FGGY: variants seen among roughly 807,000 people sequenced by gnomAD.
FGGY encodes the protein FGGY carbohydrate kinase domain-containing protein.
Under a neutral mutation model 71.3 loss-of-function variants are expected in FGGY, and 72 were observed. That is an observed-to-expected ratio of 1.01 (90% CI 0.84 to 1.23). The LOEUF (loss-of-function observed/expected upper bound fraction) is 1.23. Ranked by LOEUF, FGGY falls within the 50% of genes most tolerant of loss-of-function variation. FGGY has a pLI of 0.00. For synonymous variants in FGGY, 251 were observed against 250.3 expected, an observed-to-expected ratio of 1.00 and a Z score of -0.02; for missense variants, 668 against 682.3, an observed-to-expected ratio of 0.98 and a Z score of 0.23.
intron 11 of FGGY, among the ~76,000 whole-genome samples, chr1:59,639,790 C>G (rs997860102): frequency 6.6e-6 from 1 of 152,172 alleles, no homozygotes; most frequent in Non-Finnish European, 1.5e-5. Flanking sequence ...ATAAAACTGA[C>G]CTAGGAGCCT....
intron 14 of FGGY, among the ~76,000 whole-genome samples, chr1:59,701,454 T>C (rs1320917262): frequency 6.6e-6 from 1 of 152,140 alleles, no homozygotes; most frequent in Non-Finnish European, 1.5e-5. Context: ...GCTTCTTGAG[T>C]GCCATCTGTG....
At chr1:59,719,107 C>T (rs1229734271) in intron 14 of FGGY, among the ~76,000 whole-genome samples, 1 of 152,208 alleles carries the variant, frequency 6.6e-6, no homozygotes, top group African/African-American at 2.4e-5. Context: ...TGTTCAGCCA[C>T]CTTCTCAAGG....
chr1:59,319,013 G>A (rs1388994468), intron 1 of FGGY, among the ~76,000 whole-genome samples: 1 of 152,198 alleles, frequency 6.6e-6, no homozygotes, highest in Non-Finnish European at 1.5e-5. Context: ...CGAAGGCATT[G>A]CCCCTATTTT....
At chr1:59,684,599 G>T (rs1331965098) in intron 14 of FGGY, among the ~76,000 whole-genome samples, 1 of 152,162 alleles carries the variant, frequency 6.6e-6, no homozygotes, top group Non-Finnish European at 1.5e-5. Context: ...ATAACATCTG[G>T]ATCCTCAGTC....
At chr1:59,586,089 G>T (rs574014232) in intron 8 of FGGY, among the ~76,000 whole-genome samples, 2 of 152,210 alleles carry the variant, frequency 1.3e-5, no homozygotes, top group Non-Finnish European at 1.5e-5. Context: ...AACCATTGTG[G>T]AAGTCAGTGT....
chr1:59,405,190 G>C (rs1033446310), intron 5 of FGGY, among the ~76,000 whole-genome samples: 3 of 152,158 alleles, frequency 2.0e-5, no homozygotes, highest in African/African-American at 7.2e-5. Context: ...GATCCTGAAG[G>C]CATGAGCAAG....
At chr1:59,703,773 T>A (rs2097729651) in intron 14 of FGGY, among the ~76,000 whole-genome samples, 1 of 152,156 alleles carries the variant, frequency 6.6e-6, no homozygotes. Context: ...CTGTCATGAG[T>A]CATTTGACTT....
chr1:59,602,179 G>T (rs914300941), intron 8 of FGGY, among the ~76,000 whole-genome samples: 5 of 152,198 alleles, frequency 3.3e-5, no homozygotes, highest in Admixed American at 6.5e-5. Flanking sequence ...GTTAGTTATA[G>T]AGAGAGAAAT....
At chr1:59,482,634 G>GTA (rs3990413) in intron 6 of FGGY, among the ~76,000 whole-genome samples, 2,636 of 147,504 alleles carry the variant, frequency 0.018, 37 homozygotes, top group African/African-American at 0.039. Flanking sequence ...GTGTCTGTGT[G>GTA]TATATATATA....
chr1:59,753,800 T>G (rs1183771831), intron 14 of FGGY, among the ~76,000 whole-genome samples: 1 of 152,138 alleles, frequency 6.6e-6, no homozygotes, highest in Non-Finnish European at 1.5e-5. Context: ...CTTTATTTTC[T>G]ATTCTCATTA....
intron 5 of FGGY, among the ~76,000 whole-genome samples, chr1:59,411,516 A>C (rs2063596993): frequency 6.6e-6 from 1 of 152,184 alleles, no homozygotes; most frequent in Non-Finnish European, 1.5e-5. Context: ...ACCTTTGTCC[A>C]CTAATTTTAG....
chr1:59,311,505 T>A (rs944833677), intron 1 of FGGY, among the ~76,000 whole-genome samples: 1 of 152,156 alleles, frequency 6.6e-6, no homozygotes, highest in African/African-American at 2.4e-5. Flanking sequence ...TGGTTTTCTG[T>A]TCCTGTGTTA....
chr1:59,330,848 C>T (rs2048336116), intron 2 of FGGY, among the ~76,000 whole-genome samples: 1 of 152,090 alleles, frequency 6.6e-6, no homozygotes, highest in Admixed American at 6.5e-5. Context: ...GGGAGCTCCT[C>T]TAGAATCATC....
At chr1:59,671,846 A>G (rs1033420417) in intron 13 of FGGY, among the ~76,000 whole-genome samples, 1 of 152,172 alleles carries the variant, frequency 6.6e-6, no homozygotes, top group Non-Finnish European at 1.5e-5. Context: ...TGGGGAAGCC[A>G]GGATTCAAAC....
At chr1:59,582,549 A>G (rs1365245249) in intron 8 of FGGY, among the ~76,000 whole-genome samples, 2 of 149,376 alleles carry the variant, frequency 1.3e-5, no homozygotes, top group South Asian at 2.1e-4. Flanking sequence ...CCCTCTGCCT[A>G]TAGCACCCTT....
At position 59,584,091 on chromosome 1, in the gene FGGY, A is replaced by G. The variant is rs971174911; in HGVS notation, c.904-23712A>G. On this transcript the variant is annotated intron_variant, in intron 8 of 15. Transcript: ENST00000303721. ...GCCGAATTCTACCAGAGGTACAAGG[A>G]GGAATTGGTACCATTCCTTCTGAAA... Among the ~76,000 whole-genome samples the G allele has an allele frequency of 4.7e-5, 7 of 149,792 alleles. 2 individuals are homozygous for G. The highest frequency in any genetic ancestry group is 1.8e-4 in the African/African-American group (7 of 39,526).
intron 2 of FGGY, among the ~76,000 whole-genome samples, chr1:59,324,266 CTTTTTT>C (rs71046329): frequency 6.9e-4 from 54 of 78,122 alleles, no homozygotes; most frequent in Non-Finnish European, 1.1e-3. Flanking sequence ...ATAATAACTA[CTTTTTT>C]TTTTTTTTTT....
intron 4 of FGGY, among the ~76,000 whole-genome samples, chr1:59,365,362 C>A (rs1009503820): frequency 2.4e-4 from 36 of 152,106 alleles, no homozygotes; most frequent in African/African-American, 7.7e-4. Flanking sequence ...CCTCATTTCT[C>A]CCCTGGTCCC....
chr1:59,656,950 TG>T (rs2097223752), intron 11 of FGGY, among the ~76,000 whole-genome samples: 1 of 152,228 alleles, frequency 6.6e-6, no homozygotes, highest in Non-Finnish European at 1.5e-5. Flanking sequence ...CTCCCGTTTC[TG>T]CTCTATGATT....
Sources: allele counts gnomAD v4.1 joint callset (sites outside exome capture counted in the v4.1 genomes callset), GRCh38; gene constraint gnomAD v4.1.1; transcripts MANE v1.5; gene names NCBI Gene and HGNC (gene_info 2026-07-23, HGNC 2026-07-21).